ATRNL1: variants seen among roughly 807,000 people sequenced by gnomAD.
ATRNL1 encodes attractin like 1.
ATRNL1 carries 95 observed loss-of-function variants against 182.7 expected under a neutral mutation model. The ratio of observed to expected loss-of-function variants is 0.52; its 90% confidence interval spans 0.44 to 0.62. The LOEUF (loss-of-function observed/expected upper bound fraction) is 0.62, where lower values mean the gene tolerates loss of function less well. Ranked by LOEUF, ATRNL1 falls within the 20% of genes least tolerant of loss-of-function variation. The pLI is 0.00. For missense variants in ATRNL1, 1,471 were observed against 1,679.5 expected, an observed-to-expected ratio of 0.88 and a Z score of 2.17; for synonymous variants, 576 against 568.3, an observed-to-expected ratio of 1.01 and a Z score of -0.19.
At chr10:115,474,551 G>A (rs1460105089) in intron 24 of ATRNL1, among the ~76,000 whole-genome samples, 3 of 151,136 alleles carry the variant, frequency 2.0e-5, no homozygotes, top group Non-Finnish European at 3.0e-5. Context: ...TTTAGGGACT[G>A]TTGTGGGTGA....
At chr10:115,192,652 T>G (rs1848212314) in intron 8 of ATRNL1, among the ~76,000 whole-genome samples, 1 of 152,120 alleles carries the variant, frequency 6.6e-6, no homozygotes. Context: ...TTGATAGGCA[T>G]TATGTTTAAT....
rs1019905807 is a variant in ATRNL1 at position 115,393,956 on chromosome 10, A to G, written c.3176-703A>G. Among the ~76,000 whole-genome samples the G allele has an allele frequency of 2.0e-5, 3 of 152,198 alleles. No homozygotes were observed. In the South Asian group the frequency reaches 6.2e-4, roughly 32 times the overall value. Reference sequence around the variant, plus strand: ...AATGGAAAGTTTCGTCTAGTACTCTAAAAGGATGATCTAAAAAGATCTAAA... The same window carrying G: ...AATGGAAAGTTTCGTCTAGTACTCTGAAAGGATGATCTAAAAAGATCTAAA... On this transcript the variant is annotated intron_variant, in intron 19 of 28. Transcript: ENST00000355044.
At chr10:115,596,734 T>G (rs1856267449) in intron 26 of ATRNL1, among the ~76,000 whole-genome samples, 1 of 152,202 alleles carries the variant, frequency 6.6e-6, no homozygotes, top group Non-Finnish European at 1.5e-5. Flanking sequence ...GAAGTTTGTA[T>G]GTAGAAATAT....
chr10:115,516,981 CCTG>C (rs1235703943), intron 24 of ATRNL1, among the ~76,000 whole-genome samples: 2 of 151,862 alleles, frequency 1.3e-5, no homozygotes, highest in African/African-American at 4.8e-5. Flanking sequence ...TTTTCTCCCT[CCTG>C]CTATTAGAAC....
At chr10:115,420,207 C>A (rs1310296367) in intron 20 of ATRNL1, among the ~76,000 whole-genome samples, 1 of 151,996 alleles carries the variant, frequency 6.6e-6, no homozygotes, top group African/African-American at 2.4e-5. Context: ...CCATGCCTGG[C>A]TAATTTTTGT....
chr10:115,167,217 G>GT (rs58750549), intron 7 of ATRNL1, among the ~76,000 whole-genome samples: 23 of 149,060 alleles, frequency 1.5e-4, no homozygotes, highest in South Asian at 4.2e-4. Context: ...GTATATGAGG[G>GT]TTTTTTTTTT....
At chr10:115,722,059 A>G (rs1444416840) in intron 26 of ATRNL1, among the ~76,000 whole-genome samples, 1 of 152,218 alleles carries the variant, frequency 6.6e-6, no homozygotes, top group Non-Finnish European at 1.5e-5. Context: ...CAGTCACTCA[A>G]GTTTACTTTG....
chr10:115,372,040 G>A (rs1482936161), intron 19 of ATRNL1, among the ~76,000 whole-genome samples: 2 of 152,154 alleles, frequency 1.3e-5, no homozygotes, highest in African/African-American at 2.4e-5. Context: ...GTTGCCATGT[G>A]AGACATACCT....
At chr10:115,308,408 A>G (rs1466994130) in intron 17 of ATRNL1, among the ~76,000 whole-genome samples, 1 of 152,146 alleles carries the variant, frequency 6.6e-6, no homozygotes, top group Non-Finnish European at 1.5e-5. Context: ...TAAAAATAGA[A>G]TAATACACAA....
At chr10:115,560,644 T>G (rs1554999167) in intron 26 of ATRNL1, among the ~76,000 whole-genome samples, 1 of 152,192 alleles carries the variant, frequency 6.6e-6, no homozygotes, top group Non-Finnish European at 1.5e-5. Flanking sequence ...AGGTAGTTTA[T>G]TTGTAGAAAT....
intron 20 of ATRNL1, among the ~76,000 whole-genome samples, chr10:115,424,635 A>G (rs782010559): frequency 6.6e-6 from 1 of 152,168 alleles, no homozygotes. Context: ...CACAACATGG[A>G]TGAACCTAGA....
chr10:115,196,507 A>C (rs1425775620), intron 8 of ATRNL1, among the ~76,000 whole-genome samples: 1 of 152,132 alleles, frequency 6.6e-6, no homozygotes, highest in Non-Finnish European at 1.5e-5. Flanking sequence ...CATTGGATCT[A>C]GAGAGGGGAA....
chr10:115,842,513 C>G (rs1467644398), intron 27 of ATRNL1, among the ~76,000 whole-genome samples: 1 of 152,054 alleles, frequency 6.6e-6, no homozygotes, highest in Non-Finnish European at 1.5e-5. Context: ...ATCCAACCTA[C>G]CTGTTCATTT....
Position 115,129,252 on chromosome 10 carries a change from A to G in ATRNL1, c.621-75A>G, listed in dbSNP as rs141271716. The G allele has an allele frequency of 1.9e-4, 202 of 1,071,306 alleles. No individual in the cohort carries two copies. In the African/African-American group the frequency reaches 2.8e-3, roughly 15 times the overall value. The allele number at this position is 1,071,306 out of a possible 1,614,324, so 66.4% of individuals were successfully genotyped here. The stretch of plus-strand genomic sequence containing the variant: ...ACATAGGACACAGTATAAAAATTAT[A>G]AAGTTTATGATGTATCAACCAAAAT... On this transcript the variant is annotated intron_variant, in intron 4 of 28. Coordinates refer to ENST00000355044, the MANE Select transcript of ATRNL1 (RefSeq NM_207303.4).
Position 115,595,877 on chromosome 10 carries a change from T to C in ATRNL1, c.3795+46341T>C, listed in dbSNP as rs143550739. 4.3e-3 allele frequency among the ~76,000 whole-genome samples: 653 copies of C among 152,288 alleles called. 3 individuals are homozygous for C. Among genetic ancestry groups the C allele is most frequent in the African/African-American group, 0.015 (630 of 41,562 alleles). On this transcript the variant is annotated intron_variant, in intron 26 of 28. Transcript: ENST00000355044. ...AATGTCAGTATATTTATTGTGAAAT[T>C]GCTTGAATTGGCTGAGAATTTCACT...
At chr10:115,333,506 C>T (rs541962432) in intron 18 of ATRNL1, among the ~76,000 whole-genome samples, 48 of 130,912 alleles carry the variant, frequency 3.7e-4, no homozygotes, top group East Asian at 1.9e-3. Flanking sequence ...TTTTTTGAGA[C>T]GGAGTCTTGC....
Position 115,302,004 on chromosome 10 carries a change from T to C in ATRNL1, c.2779T>C (p.Tyr927His). Residue 927 changes from tyrosine to histidine, a missense_variant, in exon 17 of 29, where the codon TAT (tyrosine) becomes CAT (histidine). By Grantham distance (83) the Tyr-to-His change is moderately conservative. Transcript: ENST00000355044. The stretch of plus-strand genomic sequence containing the variant: ...TAATGCCTATATCATCTCTTTTCCA[T>C]ATGGACAATGTCTAGAGTGGCAAAC... ...DSNAYIISFP[Y>H]GQCLEWQTAT... The C allele has an allele frequency of 1.9e-6, 3 of 1,613,946 alleles. No homozygotes were observed. The highest frequency in any genetic ancestry group is 1.1e-5 in the South Asian group (1 of 91,050).
At chr10:115,914,407 C>G (rs573048684) in intron 28 of ATRNL1, among the ~76,000 whole-genome samples, 2 of 152,154 alleles carry the variant, frequency 1.3e-5, no homozygotes, top group Non-Finnish European at 2.9e-5. Context: ...ATTCTGAGGT[C>G]ATGTTGACCA....
chr10:115,381,289 C>T (rs1002493865), intron 19 of ATRNL1, among the ~76,000 whole-genome samples: 57 of 151,782 alleles, frequency 3.8e-4, no homozygotes, highest in African/African-American at 1.2e-3. Flanking sequence ...TTTTTTGAGA[C>T]AGAGTCTCAC....
Sources: allele counts gnomAD v4.1 joint callset (sites outside exome capture counted in the v4.1 genomes callset), GRCh38; gene constraint gnomAD v4.1.1; transcripts MANE v1.5; gene names NCBI Gene and HGNC (gene_info 2026-07-23, HGNC 2026-07-21).